Variants in SPMIP6 observed in about 807,000 individuals in gnomAD.
SPMIP6 encodes sperm microtubule inner protein 6, also known as ciliated bronchial epithelial protein 1.
At chr9:34,381,415 T>A in the SPMIP6 span, 1 of 1,614,054 alleles carries the variant, frequency 6.2e-7, no homozygotes, top group Non-Finnish European at 8.5e-7. This position sits in a 1 kb window ranked among gnomAD's most constrained non-coding sequence, Gnocchi z 4.4. Context: ...CCAAGGGCAT[T>A]CCTCGAACTG....
the SPMIP6 span, chr9:34,381,208 AGT>A: frequency 6.4e-7 from 1 of 1,557,702 alleles, no homozygotes; most frequent in Non-Finnish European, 8.7e-7. This position sits in a 1 kb window ranked among gnomAD's most constrained non-coding sequence, Gnocchi z 4.4. Context: ...TCACGGACAG[AGT>A]GAGGCGGAGA....
At chr9:34,387,810 G>C in the SPMIP6 span, among the ~76,000 whole-genome samples, 1 of 152,156 alleles carries the variant, frequency 6.6e-6, no homozygotes, top group Admixed American at 6.5e-5. Context: ...GGATGATCTC[G>C]TTGGACAATA....
At chr9:34,392,169 C>T in the SPMIP6 span, among the ~76,000 whole-genome samples, 12 of 152,138 alleles carry the variant, frequency 7.9e-5, 1 homozygote, top group Middle Eastern at 0.014. This position sits in a 1 kb window ranked among gnomAD's most constrained non-coding sequence, Gnocchi z 4.6. Flanking sequence ...AACTCCTGGG[C>T]TCAAGCCATC....
chr9:34,381,010 T>G, the SPMIP6 span: 1 of 1,611,206 alleles, frequency 6.2e-7, no homozygotes, highest in South Asian at 1.1e-5. The surrounding 1 kb of genome is among the most constrained non-coding windows in gnomAD (Gnocchi z 4.4). Flanking sequence ...AGCAAGCACT[T>G]TCGTAACCAT....
At chr9:34,380,693 T>G in the SPMIP6 span, 2 of 1,547,530 alleles carry the variant, frequency 1.3e-6, no homozygotes, top group Non-Finnish European at 1.7e-6. Flanking sequence ...TGGAGTAACC[T>G]TCGTGCTGGT....
chr9:34,385,945 C>T, the SPMIP6 span, among the ~76,000 whole-genome samples: 1 of 152,194 alleles, frequency 6.6e-6, no homozygotes, highest in Non-Finnish European at 1.5e-5. Context: ...GGCTCCTCTG[C>T]ACAGTGCTCT....
At chr9:34,386,831 CT>C in the SPMIP6 span, among the ~76,000 whole-genome samples, 1 of 152,134 alleles carries the variant, frequency 6.6e-6, no homozygotes, top group African/African-American at 2.4e-5. Flanking sequence ...CAGGGCCTCC[CT>C]TCGGGGCCCC....
At chr9:34,379,855 C>G in the SPMIP6 span, 1 of 696,792 alleles carries the variant, frequency 1.4e-6, no homozygotes, top group Non-Finnish European at 2.5e-6. The surrounding 1 kb of genome is among the most constrained non-coding windows in gnomAD (Gnocchi z 4.2). Context: ...ATCCTCCTCT[C>G]CTTCTTCCTC....
At chr9:34,386,729 T>G in the SPMIP6 span, among the ~76,000 whole-genome samples, 1 of 152,216 alleles carries the variant, frequency 6.6e-6, no homozygotes, top group African/African-American at 2.4e-5. Flanking sequence ...CTTTTCCTGT[T>G]CTTGGTCCAG....
At chr9:34,386,986 A>G in the SPMIP6 span, among the ~76,000 whole-genome samples, 1 of 151,274 alleles carries the variant, frequency 6.6e-6, no homozygotes, top group Non-Finnish European at 1.5e-5. Context: ...ACGGGCAGTG[A>G]GGTGCTGGGA....
the SPMIP6 span, chr9:34,382,908 C>T: frequency 2.4e-6 from 3 of 1,263,204 alleles, no homozygotes; most frequent in East Asian, 2.3e-5. Context: ...AGTGTTACTT[C>T]TTACTCTACT....
At chr9:34,388,936 T>TTC in the SPMIP6 span, among the ~76,000 whole-genome samples, 22,103 of 109,572 alleles carry the variant, frequency 0.2, 1,888 homozygotes, top group African/African-American at 0.27. Context: ...CTCTTTCTTT[T>TTC]TTTTTTTTTT....
chr9:34,381,401 C>T, the SPMIP6 span: 1 of 1,614,124 alleles, frequency 6.2e-7, no homozygotes, highest in South Asian at 1.1e-5. This position sits in a 1 kb window ranked among gnomAD's most constrained non-coding sequence, Gnocchi z 4.4. Flanking sequence ...CCTAGGAGGG[C>T]ATTCCAAGGG....
chr9:34,380,901 C>CA, the SPMIP6 span: 1 of 1,568,456 alleles, frequency 6.4e-7, no homozygotes, highest in Non-Finnish European at 8.6e-7. Flanking sequence ...GCGAACCTTA[C>CA]AGTCGGTTGC....
At chr9:34,395,015 G>C in the SPMIP6 span, among the ~76,000 whole-genome samples, 1 of 149,818 alleles carries the variant, frequency 6.7e-6, no homozygotes, top group Non-Finnish European at 1.5e-5. Flanking sequence ...ATCCAGGCTG[G>C]AGTAAAGTGG....
the SPMIP6 span, among the ~76,000 whole-genome samples, chr9:34,387,039 T>G: frequency 1.3e-5 from 2 of 151,736 alleles, no homozygotes; most frequent in Non-Finnish European, 2.9e-5. Flanking sequence ...GATTTTTTTT[T>G]TTTTTTTTTT....
the SPMIP6 span, among the ~76,000 whole-genome samples, chr9:34,393,263 G>A: frequency 6.6e-6 from 1 of 152,192 alleles, no homozygotes; most frequent in East Asian, 1.9e-4. Context: ...CAGATTAAAA[G>A]CCATTATAAT....
At chr9:34,382,932 T>C in the SPMIP6 span, 11 of 1,078,334 alleles carry the variant, frequency 1.0e-5, no homozygotes, top group Non-Finnish European at 1.6e-5. Context: ...GGATCTGAGA[T>C]CCCCTACATG....
At chr9:34,379,197 G>A in the SPMIP6 span, 1 of 1,538,940 alleles carries the variant, frequency 6.5e-7, no homozygotes, top group Non-Finnish European at 9.0e-7. This position sits in a 1 kb window ranked among gnomAD's most constrained non-coding sequence, Gnocchi z 4.2. Context: ...GGAAGAGATG[G>A]GTCAGCCGTT....
Sources: gnomAD v4.1 joint callset for allele counts (sites outside exome capture counted in the v4.1 genomes callset) on GRCh38, gnomAD v4.1.1 for gene constraint, Gnocchi (gnomAD v3.1) non-coding constraint, MANE v1.5 for transcripts, NCBI Gene and HGNC (gene_info 2026-07-23, HGNC 2026-07-21) for gene names.